Variants in HERC1 observed in about 807,000 individuals in gnomAD.
The protein encoded by HERC1 is probable E3 ubiquitin-protein ligase HERC1.
A neutral mutation model predicts 554.3 loss-of-function variants in HERC1; 160 were observed. That is an observed-to-expected ratio of 0.29 (90% CI 0.25 to 0.33). The LOEUF is 0.33. HERC1 is among the 10% of genes least tolerant of loss of function. HERC1 has a pLI of 1.00. For missense variants in HERC1, 4,919 were observed against 5,918.5 expected, an observed-to-expected ratio of 0.83 and a Z score of 5.54; for synonymous variants, 2,175 against 2,131.7, an observed-to-expected ratio of 1.02 and a Z score of -0.56.
At chr15:63,790,677 C>G (rs1306557638) in intron 1 of HERC1, among the ~76,000 whole-genome samples, 1 of 151,974 alleles carries the variant, frequency 6.6e-6, no homozygotes, top group Non-Finnish European at 1.5e-5. Context: ...GGGTATCAAA[C>G]AGGACATCAA....
chr15:63,695,182 C>T (rs888054703), intron 27 of HERC1, among the ~76,000 whole-genome samples: 7 of 151,770 alleles, frequency 4.6e-5, no homozygotes, highest in Non-Finnish European at 7.4e-5. Context: ...ACTACAGGCA[C>T]ATACCACCAC....
intron 1 of HERC1, among the ~76,000 whole-genome samples, chr15:63,815,561 T>C (rs1446880833): frequency 6.6e-6 from 1 of 152,218 alleles, no homozygotes; most frequent in Non-Finnish European, 1.5e-5. Flanking sequence ...GTGTAATGCT[T>C]ACAGGCTAAG....
chr15:63,623,489 A>G (rs1346221080), intron 73 of HERC1, among the ~76,000 whole-genome samples: 3 of 152,226 alleles, frequency 2.0e-5, no homozygotes, highest in Non-Finnish European at 2.9e-5. Context: ...ACAGATGGTG[A>G]GTCATTGGTA....
intron 1 of HERC1, among the ~76,000 whole-genome samples, chr15:63,787,271 C>T (rs1189034397): frequency 2.0e-5 from 3 of 152,068 alleles, no homozygotes. Flanking sequence ...ATTCTCCTGC[C>T]TCAGCCTCCC....
chr15:63,687,940 G>T (rs1379243732), intron 33 of HERC1, among the ~76,000 whole-genome samples: 1 of 152,192 alleles, frequency 6.6e-6, no homozygotes, highest in Non-Finnish European at 1.5e-5. Flanking sequence ...AAGTTGCTTA[G>T]ACTATAGTGA....
chr15:63,794,941 C>T (rs554769685), intron 1 of HERC1, among the ~76,000 whole-genome samples: 5 of 151,848 alleles, frequency 3.3e-5, no homozygotes, highest in Admixed American at 3.3e-4. Flanking sequence ...TGGTGTGTAC[C>T]TGTAGTCCCA....
At chr15:63,819,550 G>A (rs1462973353) in intron 1 of HERC1, among the ~76,000 whole-genome samples, 1 of 152,102 alleles carries the variant, frequency 6.6e-6, no homozygotes, top group Non-Finnish European at 1.5e-5. Context: ...CTTTTTAATA[G>A]CGAAGTCCAG....
chr15:63,813,781 A>T (rs2077405209), intron 1 of HERC1, among the ~76,000 whole-genome samples: 1 of 152,144 alleles, frequency 6.6e-6, no homozygotes, highest in Non-Finnish European at 1.5e-5. Flanking sequence ...AGAATACAGC[A>T]TTTTGTCCAG....
In HERC1 at chr15:63,692,880, A is replaced by G. The variant is rs1396389504; in HGVS notation, c.5675-314T>C. On this transcript the variant is annotated intron_variant, in intron 30 of 77. Coordinates refer to ENST00000443617, the MANE Select transcript of HERC1 (RefSeq NM_003922.4). The surrounding 1 kb of genome is among the most constrained non-coding windows in gnomAD (Gnocchi z 4.7). ...AGAAGTCGAGCTCCTCCTAATTATA[A>G]TCCAGTTCCCAAATATCAGGACAGG... is the stretch of plus-strand genomic sequence containing the variant. Among the ~76,000 whole-genome samples the G allele has an allele frequency of 6.6e-6, 1 of 152,144 alleles. No homozygotes were observed. Among genetic ancestry groups the G allele is most frequent in the Non-Finnish European group, 1.5e-5 (1 of 68,034 alleles).
chr15:63,624,372 T>G, intron 71 of HERC1, 45 bp from the exon 72 acceptor site: 1 of 1,489,264 alleles, frequency 6.7e-7, no homozygotes, highest in Non-Finnish European at 9.1e-7. Flanking sequence ...AATCTAGGCT[T>G]AAAAGAAATA....
chr15:63,757,018 C>T (rs1041946473), intron 4 of HERC1, among the ~76,000 whole-genome samples: 39 of 152,024 alleles, frequency 2.6e-4, no homozygotes, highest in Middle Eastern at 3.4e-3. Context: ...CAAAGTAAAA[C>T]GCTTAATATC....
At chr15:63,631,805 T>C (rs1487299647) in intron 68 of HERC1, among the ~76,000 whole-genome samples, 1 of 152,194 alleles carries the variant, frequency 6.6e-6, no homozygotes, top group Non-Finnish European at 1.5e-5. Context: ...CCTCCCAAAA[T>C]GCTGGGATTA....
rs2070268956 is a variant in HERC1 at position 63,660,050 on chromosome 15, G to C, written c.9224-114C>G. 7.1e-6 allele frequency: 6 copies of C among 841,248 alleles called. 1 individual carries two copies. Among genetic ancestry groups the C allele is most frequent in the Middle Eastern group, 6.8e-4 (2 of 2,942 alleles). 52.1% of individuals were successfully genotyped at this position (841,248 alleles called of 1,614,324 possible). ...ATGCAGATGAGCAGCCAGATGCGAT[G>C]GCTCACGCCTGTAATCCCAACACTC... On this transcript the variant is annotated intron_variant, in intron 46 of 77. Coordinates refer to ENST00000443617, the MANE Select transcript of HERC1 (RefSeq NM_003922.4).
intron 25 of HERC1, among the ~76,000 whole-genome samples, chr15:63,703,957 G>C (rs1297864991): frequency 1.3e-5 from 2 of 151,500 alleles, no homozygotes; most frequent in Non-Finnish European, 2.9e-5. Context: ...ATTCTCACTT[G>C]GCTGGACATT....
At chr15:63,814,873 A>G (rs1444662682) in intron 1 of HERC1, among the ~76,000 whole-genome samples, 1 of 152,362 alleles carries the variant, frequency 6.6e-6, no homozygotes, top group South Asian at 2.1e-4. Context: ...AGAGGATCAA[A>G]TAAGAATTCA....
chr15:63,654,149 G>A lies in HERC1; in HGVS notation c.10260C>T (p.Ser3420=), dbSNP rs1006188765. The change falls in exon 51 of 78, where the codon TCC becomes TCT. Residue 3420 remains serine (S), a synonymous_variant. Transcript: ENST00000443617. The part of the protein sequence containing the change: ...ADMGGDLRKC[S]FIKLEAHQNR... ...TCTGATGAGCCTCCAATTTGATAAA[G>A]GAGCATTTTCTAAGATCTCCTCCCA... 3 of 1,613,794 alleles carry A rather than the reference G, an allele frequency of 1.9e-6. No individual in the cohort carries two copies. The highest frequency in any genetic ancestry group is 1.3e-5 in the African/African-American group (1 of 74,928).
At chr15:63,654,097 A>G in intron 51 of HERC1, 22 bp downstream of exon 51, 1 of 1,577,020 alleles carries the variant, frequency 6.3e-7, no homozygotes, top group Non-Finnish European at 8.7e-7. Flanking sequence ...TGATTAACAC[A>G]CTTTCCACTC....
In HERC1 at chr15:63,775,391, T is replaced by C; in HGVS notation, c.233A>G (p.Tyr78Cys). The part of the protein sequence containing the change: ...ESLSSDEQDH[Y>C]LDALLSSQLA... ...CTGGCTGCTAAGAAGGGCATCCAAA[T>C]AGTGGTCCTGCTCATCACTTGAAAG... The change falls in exon 2 of 78, where the codon TAT becomes TGT. Residue 78 changes from tyrosine to cysteine, a missense_variant. Around this residue, in one of 11 missense-constraint regions of HERC1, gnomAD observed 110 missense variants for 99.3 expected, o/e 1.11. Coordinates refer to ENST00000443617, the MANE Select transcript of HERC1 (RefSeq NM_003922.4). The surrounding 1 kb of genome is among the most constrained non-coding windows in gnomAD (Gnocchi z 4.0). 1 of 1,614,006 alleles carries C rather than the reference T, an allele frequency of 6.2e-7. No individual in the cohort carries two copies. The highest frequency in any genetic ancestry group is 8.5e-7 in the Non-Finnish European group (1 of 1,179,856).
chr15:63,664,234 A>AC lies in HERC1; in HGVS notation c.8680+235_8680+236insG, dbSNP rs1330812811. Among the ~76,000 whole-genome samples the AC allele has an allele frequency of 9.2e-5, 14 of 152,344 alleles. No homozygotes were observed. In the East Asian group the frequency reaches 2.7e-3, roughly 29 times the overall value. ...ATTTATATAATTTCTCAAAATCTAC[A>AC]AGTGGCCAGTATAGACTTCTGCACC... On this transcript the variant is annotated intron_variant, in intron 43 of 77. Coordinates refer to ENST00000443617, the MANE Select transcript of HERC1 (RefSeq NM_003922.4).
Sources: allele counts gnomAD v4.1 joint callset (sites outside exome capture counted in the v4.1 genomes callset), GRCh38; gene constraint gnomAD v4.1.1; regional missense constraint gnomAD v4.1.1; non-coding constraint Gnocchi (gnomAD v3.1); transcripts MANE v1.5; gene names NCBI Gene and HGNC (gene_info 2026-07-23, HGNC 2026-07-21).